The following ADAMTS3 variants were observed in gnomAD, a reference collection of about 807,000 sequenced individuals.
ADAMTS3 encodes ADAM metallopeptidase with thrombospondin type 1 motif 3.
A neutral mutation model predicts 129.0 loss-of-function variants in ADAMTS3; 73 were observed. The observed-to-expected ratio is 0.57, with a 90% CI of 0.47 to 0.69. The LOEUF is 0.69. Among genes scored for constraint, ADAMTS3 ranks in the 30% least tolerant of loss-of-function variants. The probability of loss-of-function intolerance (pLI) is 0.00; values close to 1 mark genes in which losing one functional copy is unlikely to be tolerated. For missense variants in ADAMTS3, 1,457 were observed against 1,514.5 expected (o/e 0.96, Z 0.63); for synonymous variants, 477 against 510.8 (o/e 0.93, Z 0.89).
intron 4 of ADAMTS3, among the ~76,000 whole-genome samples, chr4:72,350,128 G>A (rs1257507846): frequency 6.6e-6 from 1 of 151,860 alleles, no homozygotes; most frequent in African/African-American, 2.4e-5. Flanking sequence ...CAAAATTGTT[G>A]AGCCATTCCT....
At chr4:72,514,260 A>G (rs1158116424) in intron 3 of ADAMTS3, among the ~76,000 whole-genome samples, 1 of 152,194 alleles carries the variant, frequency 6.6e-6, no homozygotes, top group Non-Finnish European at 1.5e-5. Flanking sequence ...TACTAGGCCC[A>G]TACAAGTTAC....
intron 4 of ADAMTS3, among the ~76,000 whole-genome samples, chr4:72,361,770 G>A (rs1720734157): frequency 6.6e-6 from 1 of 151,894 alleles, no homozygotes; most frequent in African/African-American, 2.4e-5. Context: ...TCAGGTGTTG[G>A]TCCTGTATGT....
intron 3 of ADAMTS3, among the ~76,000 whole-genome samples, chr4:72,480,954 T>G (rs1043928477): frequency 6.6e-6 from 1 of 152,018 alleles, no homozygotes; most frequent in Non-Finnish European, 1.5e-5. Context: ...CAGTACTATT[T>G]ACAACCATGA....
At chr4:72,451,127 C>T (rs912112754) in intron 3 of ADAMTS3, among the ~76,000 whole-genome samples, 1 of 151,694 alleles carries the variant, frequency 6.6e-6, no homozygotes, top group Admixed American at 6.6e-5. Context: ...TTCATGAAAT[C>T]ATCTACAGGC....
chr4:72,532,826 A>G (rs1721081088), intron 3 of ADAMTS3, among the ~76,000 whole-genome samples: 1 of 152,158 alleles, frequency 6.6e-6, no homozygotes, highest in African/African-American at 2.4e-5. Flanking sequence ...GAACATAGAA[A>G]AGAAATGGTA....
intron 4 of ADAMTS3, among the ~76,000 whole-genome samples, chr4:72,351,495 C>G (rs568031685): frequency 6.7e-6 from 1 of 148,484 alleles, no homozygotes; most frequent in Non-Finnish European, 1.5e-5. Context: ...TATGTCCTTG[C>G]AACACACAGT....
intron 4 of ADAMTS3, among the ~76,000 whole-genome samples, chr4:72,348,046 C>A (rs1720333768): frequency 6.6e-6 from 1 of 151,940 alleles, no homozygotes; most frequent in South Asian, 2.1e-4. Flanking sequence ...TCATTATAGC[C>A]AAATGACTAA....
chr4:72,406,434 GAATT>G (rs1487268924), intron 4 of ADAMTS3, among the ~76,000 whole-genome samples: 8 of 152,048 alleles, frequency 5.3e-5, no homozygotes, highest in Non-Finnish European at 8.8e-5. Flanking sequence ...CATTTGTAAA[GAATT>G]AATATGTACC....
At chr4:72,314,604 C>G (rs1316747632) in intron 11 of ADAMTS3, among the ~76,000 whole-genome samples, 3 of 151,940 alleles carry the variant, frequency 2.0e-5, no homozygotes, top group Admixed American at 6.6e-5. Context: ...AATATAACAC[C>G]AATATATTTA....
intron 4 of ADAMTS3, among the ~76,000 whole-genome samples, chr4:72,390,803 C>G (rs1487351212): frequency 1.3e-5 from 2 of 149,678 alleles, no homozygotes; most frequent in Non-Finnish European, 3.0e-5. Flanking sequence ...ATTTTAAAAA[C>G]AAAAATAAAA....
intron 4 of ADAMTS3, among the ~76,000 whole-genome samples, chr4:72,343,640 T>G (rs1043418026): frequency 3.9e-5 from 6 of 152,118 alleles, no homozygotes; most frequent in African/African-American, 1.4e-4. Flanking sequence ...GCTTCAATGG[T>G]GCTAGCTGAG....
In ADAMTS3 at chr4:72,405,031, T is replaced by C. The variant is rs746740590; in HGVS notation, c.661+9784A>G. Reference sequence around the variant, plus strand: ...ATAACACCTGTTAGAATGCCTGTGGTAAGAAAAATAAGTATTGAGGAGATG... The same window carrying C: ...ATAACACCTGTTAGAATGCCTGTGGCAAGAAAAATAAGTATTGAGGAGATG... On this transcript the variant is annotated intron_variant, in intron 4 of 21. Transcript: ENST00000286657. Among the ~76,000 whole-genome samples the C allele has an allele frequency of 7.2e-5, 11 of 152,084 alleles. No homozygotes were observed. In the East Asian group the frequency reaches 2.1e-3, roughly 29 times the overall value.
In ADAMTS3 at chr4:72,548,440, C is replaced by A. The variant is rs748491797; in HGVS notation, c.504+38G>T. 3.1e-6 allele frequency: 5 copies of A among 1,590,934 alleles called. No homozygotes were observed. In the African/African-American group the frequency reaches 5.4e-5, roughly 17 times the overall value. ...GCAGAAGCCATGGCTGCACTCCCAG[C>A]ACCTGCAAACATACGCACAAAACAG... On this transcript the variant is annotated intron_variant, in intron 3 of 21. Coordinates refer to ENST00000286657, the MANE Select transcript of ADAMTS3 (RefSeq NM_014243.3).
At chr4:72,442,517 A>G (rs558238277) in intron 3 of ADAMTS3, among the ~76,000 whole-genome samples, 72 of 151,750 alleles carry the variant, frequency 4.7e-4, no homozygotes, top group African/African-American at 1.7e-3. Flanking sequence ...CTTTTAAACG[A>G]CCAGATCTCA....
intron 3 of ADAMTS3, among the ~76,000 whole-genome samples, chr4:72,516,279 C>T (rs1320741506): frequency 2.6e-5 from 4 of 152,118 alleles, no homozygotes; most frequent in Admixed American, 2.6e-4. Flanking sequence ...GTGATGCCTC[C>T]AGCTTCGTTC....
intron 3 of ADAMTS3, among the ~76,000 whole-genome samples, chr4:72,528,857 G>A (rs946109783): frequency 2.6e-5 from 4 of 151,934 alleles, no homozygotes; most frequent in African/African-American, 4.8e-5. Context: ...CACACTCTAC[G>A]CCAAGAATTG....
intron 3 of ADAMTS3, among the ~76,000 whole-genome samples, chr4:72,461,759 T>C (rs973294630): frequency 5.9e-5 from 9 of 151,936 alleles, no homozygotes; most frequent in African/African-American, 2.2e-4. Flanking sequence ...AATTATTTCA[T>C]TTACTTGGTA....
At chr4:72,340,316 A>AGTGTGT (rs35463239) in intron 4 of ADAMTS3, among the ~76,000 whole-genome samples, 1,797 of 147,402 alleles carry the variant, frequency 0.012, 34 homozygotes, top group African/African-American at 0.039. Context: ...TATATACATA[A>AGTGTGT]GTGTGTGTGT....
chr4:72,336,564 C>A (rs1174619821), intron 5 of ADAMTS3, among the ~76,000 whole-genome samples: 1 of 152,122 alleles, frequency 6.6e-6, no homozygotes, highest in Non-Finnish European at 1.5e-5. Flanking sequence ...TAACAGGCTA[C>A]AACAGGGCAG....
Sources: gnomAD v4.1 joint callset for allele counts (sites outside exome capture counted in the v4.1 genomes callset) on GRCh38, gnomAD v4.1.1 for gene constraint, MANE v1.5 for transcripts, NCBI Gene and HGNC (gene_info 2026-07-23, HGNC 2026-07-21) for gene names.